The following NUCB2 variants were observed in gnomAD, a reference collection of about 807,000 sequenced individuals.
The protein encoded by NUCB2 is nucleobindin 2.
A neutral mutation model predicts 57.9 loss-of-function variants in NUCB2; 48 were observed. The ratio of observed to expected loss-of-function variants is 0.83; its 90% confidence interval spans 0.66 to 1.05. The LOEUF is 1.05. Among genes scored for constraint, NUCB2 ranks in the 50% least tolerant of loss-of-function variants. The pLI is 0.00. For missense variants in NUCB2, 442 were observed against 476.2 expected (o/e 0.93, Z 0.67); for synonymous variants, 139 against 152.1 (o/e 0.91, Z 0.64).
At chr11:17,320,768 T>C (rs1949919436) in intron 11 of NUCB2, among the ~76,000 whole-genome samples, 2 of 152,198 alleles carry the variant, frequency 1.3e-5, no homozygotes, top group Admixed American at 1.3e-4. Context: ...GTTCTGTGGG[T>C]TATCTTACTC....
At chr11:17,309,453 A>G in intron 5 of NUCB2, 119 bp from the exon 6 acceptor site, 1 of 597,334 alleles carries the variant, frequency 1.7e-6, no homozygotes, top group Non-Finnish European at 2.8e-6. Flanking sequence ...TTATTCTAAA[A>G]CTTTGGATTT....
intron 2 of NUCB2, among the ~76,000 whole-genome samples, chr11:17,287,698 G>A (rs563670475): frequency 1.3e-5 from 2 of 148,434 alleles, no homozygotes; most frequent in South Asian, 2.1e-4. Context: ...AAAAAGATAC[G>A]TTATTAAATC....
rs1280865154 is a variant in NUCB2, at chr11:17,328,582, TACC to T, written c.1003-1540_1003-1538del. Among the ~76,000 whole-genome samples the T allele has an allele frequency of 1.1e-4, 16 of 152,306 alleles. No individual in the cohort carries two copies. The South Asian group carries it at 3.1e-3, about 30-fold the overall frequency. ...AGGACCCTCTCCCTGTGGCCATTAC[TACC>T]ACCATCTCTGGTCCACATGGGGTTC... On this transcript the variant is annotated intron_variant, in intron 11 of 13. Coordinates refer to ENST00000529010, the MANE Select transcript of NUCB2 (RefSeq NM_005013.4).
At chr11:17,288,900 C>CACACACACACACACACACAG (rs1353763199) in intron 2 of NUCB2, among the ~76,000 whole-genome samples, 1 of 60,250 alleles carries the variant, frequency 1.7e-5, no homozygotes. Flanking sequence ...CACACACACA[C>CACACACACACACACACACAG]ACACACACAC....
intron 2 of NUCB2, among the ~76,000 whole-genome samples, chr11:17,347,881 A>G (rs951773052): frequency 1.3e-5 from 2 of 152,204 alleles, no homozygotes; most frequent in Non-Finnish European, 2.9e-5. Flanking sequence ...GTGCTGGTCT[A>G]TGCCTGGCTG....
intron 2 of NUCB2, among the ~76,000 whole-genome samples, chr11:17,286,994 C>T (rs1366891237): frequency 1.3e-5 from 2 of 151,734 alleles, no homozygotes; most frequent in East Asian, 3.9e-4. Context: ...AATTAATTGT[C>T]CTAGTTATGT....
rs547835998 is a variant in NUCB2 at position 17,318,716 on chromosome 11, C to T, written c.1002+3241C>T. On this transcript the variant is annotated intron_variant, in intron 11 of 13. Transcript: ENST00000529010. ...CTGGCCAAATCTGGGACAATTTGAA[C>T]GTGGAAATAATGATGATAAGGATTA... 8.5e-5 allele frequency among the ~76,000 whole-genome samples: 13 copies of T among 152,096 alleles called. 1 individual carries two copies. The East Asian group carries it at 1.2e-3, about 14-fold the overall frequency.
chr11:17,297,476 G>A (rs906230185), intron 4 of NUCB2, among the ~76,000 whole-genome samples: 2 of 151,998 alleles, frequency 1.3e-5, no homozygotes, highest in African/African-American at 4.8e-5. Flanking sequence ...ATAATTCCCC[G>A]GAATTGTCTT....
Position 17,310,239 on chromosome 11 carries a change from T to C in NUCB2, c.483+564T>C, listed in dbSNP as rs533077918. On this transcript the variant is annotated intron_variant, in intron 6 of 13. Transcript: ENST00000529010. The stretch of plus-strand genomic sequence containing the variant: ...TGATAATAGTTCCTTTCTTCTTCTT[T>C]TTTTTTTTTAAATCAACTTACATAT... Among the ~76,000 whole-genome samples, 13 of 151,410 alleles carry C rather than the reference T, an allele frequency of 8.6e-5. No homozygotes were observed. In the South Asian group the frequency reaches 1.0e-3, roughly 12 times the overall value.
At chr11:17,304,689 G>T (rs1044783208) in intron 5 of NUCB2, among the ~76,000 whole-genome samples, 1 of 152,060 alleles carries the variant, frequency 6.6e-6, no homozygotes, top group African/African-American at 2.4e-5. Context: ...AACTTAATCC[G>T]TAGAAATCAA....
At chr11:17,309,734 C>G (rs1948203525) in intron 6 of NUCB2, 59 bp downstream of exon 6, 1 of 981,624 alleles carries the variant, frequency 1.0e-6, no homozygotes, top group Non-Finnish European at 1.5e-6. Context: ...TGTAATTTGA[C>G]AAGTAAACCC....
chr11:17,284,293 C>T (rs1257505215), intron 2 of NUCB2, among the ~76,000 whole-genome samples: 3 of 152,164 alleles, frequency 2.0e-5, no homozygotes, highest in Non-Finnish European at 4.4e-5. Flanking sequence ...GATGGGATTA[C>T]AGGAGTGAGC....
At chr11:17,346,740 A>C (rs915366927) in intron 2 of NUCB2, among the ~76,000 whole-genome samples, 4 of 152,220 alleles carry the variant, frequency 2.6e-5, no homozygotes, top group African/African-American at 9.7e-5. Flanking sequence ...TCAACATGTT[A>C]TATAACTACA....
intron 2 of NUCB2, among the ~76,000 whole-genome samples, chr11:17,289,107 C>A (rs1944504752): frequency 6.6e-6 from 1 of 151,766 alleles, no homozygotes. Context: ...CAGGCGTGTG[C>A]CACCATGCCC....
downstream of NUCB2, among the ~76,000 whole-genome samples, chr11:17,335,584 A>G (rs1362384484): frequency 6.6e-6 from 1 of 151,836 alleles, no homozygotes; most frequent in Non-Finnish European, 1.5e-5. Context: ...TCACTGCAAC[A>G]TGTGCTGCCC....
At chr11:17,336,512 T>C (rs894653340), downstream of NUCB2, among the ~76,000 whole-genome samples, 1 of 151,828 alleles carries the variant, frequency 6.6e-6, no homozygotes, top group East Asian at 1.9e-4. Context: ...CCCAGCACTT[T>C]GGGAGGCCGA....
chr11:17,277,374 A>G (rs1941556818), intron 1 of NUCB2, among the ~76,000 whole-genome samples: 1 of 152,208 alleles, frequency 6.6e-6, no homozygotes, highest in Non-Finnish European at 1.5e-5. Context: ...GAGATGAGAA[A>G]CAGTATTTCC....
At chr11:17,278,840 A>G (rs1466104631) in intron 1 of NUCB2, among the ~76,000 whole-genome samples, 1 of 152,152 alleles carries the variant, frequency 6.6e-6, no homozygotes, top group Non-Finnish European at 1.5e-5. Flanking sequence ...TCTACAAAAT[A>G]CCCTTTTGAG....
At chr11:17,305,689 A>G (rs1947512683) in intron 5 of NUCB2, among the ~76,000 whole-genome samples, 2 of 151,936 alleles carry the variant, frequency 1.3e-5, no homozygotes, top group South Asian at 2.1e-4. Context: ...TGATGCAATC[A>G]TAGCTCATTG....
Sources: allele counts gnomAD v4.1 joint callset (sites outside exome capture counted in the v4.1 genomes callset), GRCh38; gene constraint gnomAD v4.1.1; transcripts MANE v1.5; gene names NCBI Gene and HGNC (gene_info 2026-07-23, HGNC 2026-07-21).